The following MARCHF1 variants were observed in gnomAD, a reference collection of about 807,000 sequenced individuals.
MARCHF1 encodes the protein E3 ubiquitin-protein ligase MARCHF1.
MARCHF1 carries 40 observed loss-of-function variants against 54.2 expected under a neutral mutation model. The observed-to-expected ratio is 0.74, with a 90% CI of 0.57 to 0.96. MARCHF1 has a LOEUF of 0.96. MARCHF1 is among the 40% of genes least tolerant of loss of function. The pLI is 0.00. For synonymous variants in MARCHF1, 236 were observed against 236.3 expected, an observed-to-expected ratio of 1.00 and a Z score of 0.01; for missense variants, 586 against 656.5, an observed-to-expected ratio of 0.89 and a Z score of 1.17.
chr4:163,789,320 G>A (rs1380293435), intron 4 of MARCHF1, among the ~76,000 whole-genome samples: 1 of 151,886 alleles, frequency 6.6e-6, no homozygotes. Flanking sequence ...ACATGTAGAA[G>A]GGAACAGCAC....
At chr4:164,262,782 T>C (rs9308077) in intron 1 of MARCHF1, among the ~76,000 whole-genome samples, 17,854 of 152,170 alleles carry the variant, frequency 0.12, 1,639 homozygotes, top group African/African-American at 0.26. Context: ...ACTTTAGATA[T>C]TGACACCAAA....
rs540522723 is a variant in MARCHF1, at chr4:164,050,403, T to TC, written c.-248+61184dup. On this transcript the variant is annotated intron_variant, in intron 2 of 9. Transcript: ENST00000514618. The stretch of plus-strand genomic sequence containing the variant: ...GCACATATCAAAGACCTCAGATATT[T>TC]CATTCACCCTTCTTTCAGTCTTTCA... Among the ~76,000 whole-genome samples the TC allele has an allele frequency of 1.7e-3, 258 of 151,638 alleles. 1 individual carries two copies. Among genetic ancestry groups the TC allele is most frequent in the African/African-American group, 5.6e-3 (232 of 41,296 alleles).
At chr4:163,859,509 G>A (rs927881078) in intron 3 of MARCHF1, among the ~76,000 whole-genome samples, 1 of 151,874 alleles carries the variant, frequency 6.6e-6, no homozygotes, top group Non-Finnish European at 1.5e-5. Flanking sequence ...ACAGGTGCCT[G>A]CCACCACACC....
chr4:164,140,957 A>G (rs1756518411), intron 1 of MARCHF1, among the ~76,000 whole-genome samples: 1 of 152,326 alleles, frequency 6.6e-6, no homozygotes, highest in African/African-American at 2.4e-5. Context: ...GAGGGTTAGC[A>G]TAAGACTGGA....
chr4:163,538,216 G>A (rs1188104359), intron 9 of MARCHF1, among the ~76,000 whole-genome samples: 2 of 152,146 alleles, frequency 1.3e-5, no homozygotes, highest in African/African-American at 4.8e-5. Flanking sequence ...TCTGACTCTG[G>A]ACAAGATTAT....
intron 1 of MARCHF1, among the ~76,000 whole-genome samples, chr4:164,338,075 AT>A (rs1478942890): frequency 6.6e-6 from 1 of 152,212 alleles, no homozygotes; most frequent in Non-Finnish European, 1.5e-5. Context: ...TTGTTAAAAA[AT>A]TCATGATATT....
chr4:163,932,712 G>A (rs773443604), intron 3 of MARCHF1: 24 of 528,954 alleles, frequency 4.5e-5, no homozygotes, highest in Admixed American at 9.3e-5. Flanking sequence ...CTTAAACATC[G>A]AGCAGAAGAC....
At chr4:163,788,550 T>G (rs1229682937) in intron 4 of MARCHF1, among the ~76,000 whole-genome samples, 1 of 151,844 alleles carries the variant, frequency 6.6e-6, no homozygotes, top group Non-Finnish European at 1.5e-5. Context: ...TTTTGAAGAG[T>G]TCTAGCCAGG....
chr4:164,209,752 C>G (rs1731713127), intron 1 of MARCHF1, among the ~76,000 whole-genome samples: 1 of 152,136 alleles, frequency 6.6e-6, no homozygotes, highest in South Asian at 2.1e-4. Flanking sequence ...TAGTTCTCTT[C>G]ATTTAACATG....
At chr4:163,647,841 A>C (rs149739951) in intron 5 of MARCHF1, among the ~76,000 whole-genome samples, 1 of 151,838 alleles carries the variant, frequency 6.6e-6, no homozygotes, top group Non-Finnish European at 1.5e-5. Context: ...TCATCTCAAG[A>C]AACTAGAAAA....
At chr4:163,835,723 G>T (rs370403567) in intron 4 of MARCHF1, among the ~76,000 whole-genome samples, 25 of 152,006 alleles carry the variant, frequency 1.6e-4, no homozygotes, top group African/African-American at 5.1e-4. Flanking sequence ...ATTTAATTTG[G>T]CCAAATTTTT....
chr4:163,663,054 A>G (rs776070085), intron 5 of MARCHF1, among the ~76,000 whole-genome samples: 1 of 151,974 alleles, frequency 6.6e-6, no homozygotes, highest in Non-Finnish European at 1.5e-5. Context: ...TTCTAACTGG[A>G]GTGTAATATA....
chr4:163,766,290 A>T (rs1554011835), intron 4 of MARCHF1, among the ~76,000 whole-genome samples: 1 of 152,076 alleles, frequency 6.6e-6, no homozygotes, highest in Non-Finnish European at 1.5e-5. Context: ...AACCAATATA[A>T]CTTTGGGGGA....
intron 8 of MARCHF1, among the ~76,000 whole-genome samples, chr4:163,576,301 A>T (rs1031234248): frequency 1.3e-5 from 2 of 152,036 alleles, no homozygotes; most frequent in African/African-American, 4.8e-5. Flanking sequence ...GTTTACTCAA[A>T]AGTCATTTAG....
At chr4:163,960,246 G>C (rs35146942) in intron 3 of MARCHF1, among the ~76,000 whole-genome samples, 25,138 of 151,958 alleles carry the variant, frequency 0.17, 2,596 homozygotes, top group South Asian at 0.33. Flanking sequence ...AAGCAGTATA[G>C]AGATTCCTCA....
intron 1 of MARCHF1, among the ~76,000 whole-genome samples, chr4:164,227,017 A>G (rs1038328357): frequency 6.6e-5 from 10 of 152,146 alleles, no homozygotes; most frequent in Admixed American, 5.9e-4. Context: ...CAGGCATATT[A>G]CAACTGAGGA....
At chr4:163,822,008 C>T (rs7658388) in intron 4 of MARCHF1, among the ~76,000 whole-genome samples, 1 of 151,690 alleles carries the variant, frequency 6.6e-6, no homozygotes, top group African/African-American at 2.4e-5. Flanking sequence ...TGTAATAAGA[C>T]AAAATTAATA....
chr4:163,908,178 G>T (rs1268063538), intron 3 of MARCHF1, among the ~76,000 whole-genome samples: 3 of 152,094 alleles, frequency 2.0e-5, no homozygotes, highest in South Asian at 2.1e-4. Context: ...CCACACAAAA[G>T]ATTTTAATCA....
chr4:164,236,597 T>A (rs1208360108), intron 1 of MARCHF1, among the ~76,000 whole-genome samples: 1 of 152,158 alleles, frequency 6.6e-6, no homozygotes, highest in East Asian at 1.9e-4. Flanking sequence ...AAGCATTGTC[T>A]TGTTTAACCT....
Sources: allele counts gnomAD v4.1 joint callset (sites outside exome capture counted in the v4.1 genomes callset), GRCh38; gene constraint gnomAD v4.1.1; transcripts MANE v1.5; gene names NCBI Gene and HGNC (gene_info 2026-07-23, HGNC 2026-07-21).